Variants in XKR6 observed in about 807,000 individuals in gnomAD.
The protein encoded by XKR6 is XK related 6.
Under a neutral mutation model 56.7 loss-of-function variants are expected in XKR6, and 22 were observed. The ratio of observed to expected loss-of-function variants is 0.39; its 90% CI spans 0.28 to 0.55. XKR6 has a LOEUF of 0.55. Among genes scored for constraint, XKR6 ranks in the 20% least tolerant of loss-of-function variants. XKR6 has a pLI of 0.66. For missense variants in XKR6, 852 were observed against 889.0 expected (o/e 0.96, Z 0.53); for synonymous variants, 524 against 387.8 (o/e 1.35, Z -4.13).
intron 1 of XKR6, among the ~76,000 whole-genome samples, chr8:11,097,347 A>T (rs995113754): frequency 2.0e-5 from 3 of 152,212 alleles, no homozygotes; most frequent in African/African-American, 7.2e-5. Flanking sequence ...CAATGCAAAC[A>T]TTCCACGAGA....
At chr8:11,098,830 A>T (rs1384282182) in intron 1 of XKR6, among the ~76,000 whole-genome samples, 1 of 152,190 alleles carries the variant, frequency 6.6e-6, no homozygotes, top group African/African-American at 2.4e-5. Context: ...GGAGGGAGAA[A>T]TACAAATTCT....
chr8:11,004,416 G>C (rs1227769592), intron 1 of XKR6, among the ~76,000 whole-genome samples: 1 of 152,166 alleles, frequency 6.6e-6, no homozygotes, highest in Non-Finnish European at 1.5e-5. Flanking sequence ...AGGTTGCAGT[G>C]AGCCGAGATC....
intron 1 of XKR6, chr8:11,062,762 A>G: frequency 6.6e-6 from 3 of 456,228 alleles, no homozygotes; most frequent in South Asian, 4.6e-5. Flanking sequence ...GTACTTACAG[A>G]AATTGTTCTC....
chr8:11,039,691 C>T (rs531476003), intron 1 of XKR6, among the ~76,000 whole-genome samples: 169 of 152,326 alleles, frequency 1.1e-3, no homozygotes, highest in African/African-American at 3.9e-3. Flanking sequence ...AGGACTCCCA[C>T]CAATTCCCAT....
At chr8:11,070,425 T>C (rs1324568530) in intron 1 of XKR6, among the ~76,000 whole-genome samples, 2 of 152,140 alleles carry the variant, frequency 1.3e-5, no homozygotes, top group Non-Finnish European at 2.9e-5. Context: ...ACTTTGAGGG[T>C]TTAGGACCTA....
rs80014786 is a variant in XKR6 at position 10,921,605 on chromosome 8, T to C, written c.961+3029A>G. Among the ~76,000 whole-genome samples, 4 of 152,276 alleles carry C rather than the reference T, an allele frequency of 2.6e-5. No individual in the cohort carries two copies. In the East Asian group the frequency reaches 7.7e-4, roughly 29 times the overall value. ...CAGTATACCAAAGAGAAAACGGGAT[T>C]GTGAAAAGATGAAGGTCCAAAATCA... is the stretch of plus-strand genomic sequence containing the variant. On this transcript the variant is annotated intron_variant, in intron 2 of 2. Coordinates refer to ENST00000416569, the MANE Select transcript of XKR6 (RefSeq NM_173683.4).
At chr8:11,035,939 CTTTTTTT>C (rs58989028) in intron 1 of XKR6, among the ~76,000 whole-genome samples, 1 of 101,608 alleles carries the variant, frequency 9.8e-6, no homozygotes, top group Non-Finnish European at 1.9e-5. Flanking sequence ...CTGTGAAAGT[CTTTTTTT>C]TTTTTTTTTT....
chr8:11,059,230 G>T (rs941369868), intron 1 of XKR6, among the ~76,000 whole-genome samples: 5 of 152,370 alleles, frequency 3.3e-5, no homozygotes, highest in African/African-American at 1.2e-4. Flanking sequence ...GCGACCCCCT[G>T]CGCTGGCCAG....
intron 1 of XKR6, among the ~76,000 whole-genome samples, chr8:11,196,450 A>G (rs1469060486): frequency 6.6e-6 from 1 of 152,118 alleles, no homozygotes; most frequent in African/African-American, 2.4e-5. Context: ...AACAACAACA[A>G]CAACCAAAAA....
chr8:11,159,546 C>A (rs1334064408), intron 1 of XKR6, among the ~76,000 whole-genome samples: 2 of 152,198 alleles, frequency 1.3e-5, no homozygotes, highest in Non-Finnish European at 2.9e-5. Flanking sequence ...ATCCCCATTC[C>A]CTACATCAGC....
chr8:11,026,225 T>C (rs1427053701), intron 1 of XKR6, among the ~76,000 whole-genome samples: 1 of 152,006 alleles, frequency 6.6e-6, no homozygotes, highest in African/African-American at 2.4e-5. Context: ...TTAGATGGTC[T>C]AGCCTACTAC....
chr8:10,917,218 G>T (rs913144686), intron 2 of XKR6, among the ~76,000 whole-genome samples: 2 of 152,130 alleles, frequency 1.3e-5, no homozygotes, highest in Non-Finnish European at 2.9e-5. Flanking sequence ...GGCCCAGGGT[G>T]GCAAGAAGTA....
intron 1 of XKR6, among the ~76,000 whole-genome samples, chr8:11,122,716 C>A (rs1799515929): frequency 6.6e-6 from 1 of 152,176 alleles, no homozygotes; most frequent in Non-Finnish European, 1.5e-5. Context: ...GGTCTGTTTA[C>A]CATTGGTAAT....
At chr8:11,127,631 C>G (rs1425224933) in intron 1 of XKR6, among the ~76,000 whole-genome samples, 2 of 152,144 alleles carry the variant, frequency 1.3e-5, no homozygotes, top group Non-Finnish European at 2.9e-5. Flanking sequence ...CTAGTTCTGA[C>G]CACCCTACCT....
Position 11,032,920 on chromosome 8 carries a change from T to C in XKR6, c.765-108090A>G, listed in dbSNP as rs111308315. On this transcript the variant is annotated intron_variant, in intron 1 of 2. Transcript: ENST00000416569. ...GAGATGGTGATAGTGATTGTGACCA[T>C]GAAGATAAAAAGATGACAACGATGA... Among the ~76,000 whole-genome samples the C allele has an allele frequency of 9.7e-4, 148 of 152,204 alleles. 1 individual carries two copies. Among genetic ancestry groups the C allele is most frequent in the Middle Eastern group, 3.4e-3 (1 of 294 alleles).
intron 1 of XKR6, among the ~76,000 whole-genome samples, chr8:11,071,423 T>C (rs1328836780): frequency 6.6e-6 from 1 of 151,920 alleles, no homozygotes; most frequent in Non-Finnish European, 1.5e-5. Flanking sequence ...GTATTTTCAG[T>C]AGAGACAGGG....
At chr8:11,086,159 A>ATTTT (rs1797884006) in intron 1 of XKR6, among the ~76,000 whole-genome samples, 1 of 124,554 alleles carries the variant, frequency 8.0e-6, no homozygotes, top group African/African-American at 3.7e-5. Context: ...TTTTTTTTTA[A>ATTTT]AAAAAACAAG....
In XKR6 at chr8:10,897,251, C is replaced by A. The variant is rs1310237163; in HGVS notation, c.*701G>T. On this transcript the variant is annotated 3_prime_UTR_variant, in exon 3 of 3. Coordinates refer to ENST00000416569, the MANE Select transcript of XKR6 (RefSeq NM_173683.4). Reference sequence around the variant, plus strand: ...AAGGTCAGGAGAGGAGGGGGAGAAACTGAAAAGAGGGAGGGGTTTATGCTT... The same window carrying A: ...AAGGTCAGGAGAGGAGGGGGAGAAAATGAAAAGAGGGAGGGGTTTATGCTT... 6.6e-6 allele frequency: 1 copy of A among 152,566 alleles called. No homozygotes were observed. The highest frequency in any genetic ancestry group is 2.4e-5 in the African/African-American group (1 of 41,432). 9.5% of individuals were successfully genotyped at this position (152,566 alleles called of 1,614,324 possible).
intron 1 of XKR6, among the ~76,000 whole-genome samples, chr8:11,197,776 A>T (rs969226174): frequency 5.9e-5 from 9 of 152,352 alleles, no homozygotes; most frequent in Admixed American, 3.3e-4. Flanking sequence ...TTGATAAAAG[A>T]CGTCAAGTAT....
Sources: allele counts gnomAD v4.1 joint callset (sites outside exome capture counted in the v4.1 genomes callset), GRCh38; gene constraint gnomAD v4.1.1; transcripts MANE v1.5; gene names NCBI Gene and HGNC (gene_info 2026-07-23, HGNC 2026-07-21).